The following TENM3 variants were observed in gnomAD, a reference collection of about 807,000 sequenced individuals.
TENM3 encodes teneurin transmembrane protein 3, also known as teneurin-3.
A neutral mutation model predicts 255.1 loss-of-function variants in TENM3; 63 were observed. The observed-to-expected ratio is 0.25, with a 90% confidence interval of 0.20 to 0.30. The LOEUF is 0.30. Among genes scored for constraint, TENM3 ranks in the 10% least tolerant of loss-of-function variants. TENM3 has a pLI of 1.00. For synonymous variants in TENM3, 1,306 were observed against 1,322.3 expected (o/e 0.99, Z 0.27); for missense variants, 2,929 against 3,461.1 (o/e 0.85, Z 3.86).
chr4:181,707,799 C>T, the TENM3 span, among the ~76,000 whole-genome samples: 1 of 152,078 alleles, frequency 6.6e-6, no homozygotes, highest in South Asian at 2.1e-4. Context: ...GGTCTAAATG[C>T]TACGTTAAGT....
chr4:181,546,598 C>T, the TENM3 span, among the ~76,000 whole-genome samples: 1 of 141,684 alleles, frequency 7.1e-6, no homozygotes, highest in Non-Finnish European at 1.5e-5. Flanking sequence ...CCTGTAGTCC[C>T]AGCTACTCGG....
the TENM3 span, among the ~76,000 whole-genome samples, chr4:181,685,621 A>C: frequency 6.6e-6 from 1 of 152,188 alleles, no homozygotes; most frequent in African/African-American, 2.4e-5. Flanking sequence ...AAGATCTCCA[A>C]AAGAAAAGCC....
chr4:182,697,506 G>T (rs1002001309), intron 12 of TENM3, among the ~76,000 whole-genome samples: 1 of 152,124 alleles, frequency 6.6e-6, no homozygotes, highest in African/African-American at 2.4e-5. Flanking sequence ...CTCCTGCTCT[G>T]CAAGTCCCAG....
chr4:182,743,619 C>T (rs1254219751), intron 19 of TENM3, among the ~76,000 whole-genome samples, 200 bp downstream of exon 19: 3 of 152,148 alleles, frequency 2.0e-5, no homozygotes, highest in Non-Finnish European at 4.4e-5. Context: ...TATTAAAGAG[C>T]ATAAAGTCAC....
chr4:182,045,716 A>G, the TENM3 span, among the ~76,000 whole-genome samples: 4 of 152,200 alleles, frequency 2.6e-5, no homozygotes, highest in Admixed American at 2.0e-4. Flanking sequence ...TATTATTTCA[A>G]TTTAGTCTGT....
rs1002861681 is a variant in TENM3, at chr4:182,789,508, G to A, written c.5601+119G>A. ...CATGACTGAGTTCCATTTGTTATTC[G>A]AAGTATCAATACGGAAGTCACATTG... On this transcript the variant is annotated intron_variant, in intron 25 of 27. Transcript: ENST00000511685. The surrounding 1 kb of genome is among the most constrained non-coding windows in gnomAD (Gnocchi z 4.4). 1.0e-5 allele frequency: 10 copies of A among 975,076 alleles called. No individual in the cohort carries two copies. The highest frequency in any genetic ancestry group is 8.3e-5 in the African/African-American group (5 of 60,594). The allele number at this position is 975,076 out of a possible 1,614,324, so 60.4% of individuals were successfully genotyped here. A position where few individuals can be genotyped will look rare whatever the true frequency, so the allele number is the denominator to read the frequency against.
At chr4:181,758,499 T>C in the TENM3 span, among the ~76,000 whole-genome samples, 1 of 152,226 alleles carries the variant, frequency 6.6e-6, no homozygotes, top group Non-Finnish European at 1.5e-5. Flanking sequence ...AGAGCAGCAT[T>C]TGCATAGAAG....
chr4:182,491,752 A>G (rs905694951), intron 3 of TENM3, among the ~76,000 whole-genome samples: 15 of 152,224 alleles, frequency 9.9e-5, no homozygotes, highest in Admixed American at 9.8e-4. Flanking sequence ...GGACACCTAC[A>G]GAATCCACTT....
intron 3 of TENM3, among the ~76,000 whole-genome samples, chr4:182,516,327 G>T (rs999860436): frequency 1.4e-4 from 21 of 152,268 alleles, no homozygotes; most frequent in African/African-American, 4.8e-4. Flanking sequence ...CCTTTAAAAA[G>T]TTAACAAATG....
chr4:182,710,263 A>T (rs183107514), intron 12 of TENM3, among the ~76,000 whole-genome samples: 1 of 152,220 alleles, frequency 6.6e-6, no homozygotes, highest in African/African-American at 2.4e-5. Flanking sequence ...TTTATGTTCA[A>T]ATCATCAATT....
chr4:182,709,351 G>A (rs536984309), intron 12 of TENM3, among the ~76,000 whole-genome samples: 35 of 152,090 alleles, frequency 2.3e-4, no homozygotes, highest in African/African-American at 6.8e-4. Flanking sequence ...GAGTTTTATC[G>A]TATAAAACAA....
the TENM3 span, among the ~76,000 whole-genome samples, chr4:181,767,067 AAG>A: frequency 7.6e-6 from 1 of 131,724 alleles, no homozygotes; most frequent in South Asian, 2.5e-4. Flanking sequence ...TCTGGCTAAC[AAG>A]GGGAAATCCC....
chr4:182,659,438 G>A (rs530471638), intron 6 of TENM3, among the ~76,000 whole-genome samples: 34 of 152,182 alleles, frequency 2.2e-4, no homozygotes, highest in African/African-American at 7.9e-4. Context: ...GGATGTATAG[G>A]AAAAAATATA....
At chr4:181,551,117 GT>G in the TENM3 span, among the ~76,000 whole-genome samples, 1 of 152,250 alleles carries the variant, frequency 6.6e-6, no homozygotes, top group South Asian at 2.1e-4. Context: ...TGGGAAGCAG[GT>G]TATGGTAGCA....
At chr4:182,126,968 G>A in the TENM3 span, among the ~76,000 whole-genome samples, 2 of 152,164 alleles carry the variant, frequency 1.3e-5, no homozygotes, top group African/African-American at 4.8e-5. Context: ...TTTGCAAAGT[G>A]TGGCCTTCTT....
At chr4:182,051,378 C>CTTT in the TENM3 span, among the ~76,000 whole-genome samples, 1 of 129,580 alleles carries the variant, frequency 7.7e-6, no homozygotes, top group Admixed American at 7.8e-5. Flanking sequence ...TTTTTCCTCT[C>CTTT]TTTTTTTTTT....
At chr4:182,214,171 A>G (rs900766086) in intron 1 of TENM3, among the ~76,000 whole-genome samples, 7 of 152,204 alleles carry the variant, frequency 4.6e-5, no homozygotes, top group South Asian at 2.1e-4. Context: ...TTAAATCTAC[A>G]TGAAAATTTG....
At chr4:182,251,894 A>G (rs1194168011) in intron 1 of TENM3, among the ~76,000 whole-genome samples, 1 of 152,152 alleles carries the variant, frequency 6.6e-6, no homozygotes, top group Admixed American at 6.5e-5. Context: ...GAATTAAATG[A>G]GATTGCTGGC....
chr4:182,047,063 C>G, the TENM3 span, among the ~76,000 whole-genome samples: 3 of 152,232 alleles, frequency 2.0e-5, no homozygotes, highest in East Asian at 5.8e-4. Flanking sequence ...CTGTTGAAGT[C>G]ATCTTTCTTG....
Sources: allele counts gnomAD v4.1 joint callset (sites outside exome capture counted in the v4.1 genomes callset), GRCh38; gene constraint gnomAD v4.1.1; non-coding constraint Gnocchi (gnomAD v3.1); transcripts MANE v1.5; gene names NCBI Gene and HGNC (gene_info 2026-07-23, HGNC 2026-07-21).